NBAS: variants seen among roughly 807,000 people sequenced by gnomAD.
NBAS encodes the protein NAG/BC035112 fusion.
NBAS carries 219 observed loss-of-function variants against 302.5 expected under a neutral mutation model. The ratio of observed to expected loss-of-function variants is 0.72; its 90% confidence interval spans 0.65 to 0.81. NBAS has a LOEUF of 0.81. Among genes scored for constraint, NBAS ranks in the 30% least tolerant of loss-of-function variants. The pLI is 0.00. For synonymous variants in NBAS, 1,118 were observed against 1,021.6 expected (o/e 1.09, Z -1.80); for missense variants, 2,932 against 2,841.6 (o/e 1.03, Z -0.72).
At chr2:15,440,039 G>A (rs933569951) in intron 21 of NBAS, among the ~76,000 whole-genome samples, 4 of 152,250 alleles carry the variant, frequency 2.6e-5, no homozygotes, top group Non-Finnish European at 5.9e-5. Flanking sequence ...ACAGCTCAAG[G>A]AGGCCTGCCT....
the NBAS span, among the ~76,000 whole-genome samples, chr2:14,817,884 C>A: frequency 6.6e-6 from 1 of 152,138 alleles, no homozygotes; most frequent in Non-Finnish European, 1.5e-5. Flanking sequence ...TGACTAGGAG[C>A]AAATTACTGA....
chr2:15,288,995 T>C lies in NBAS; in HGVS notation c.5028-1812A>G, dbSNP rs565217609. On this transcript the variant is annotated intron_variant, in intron 41 of 51. Transcript: ENST00000281513. ...AAATGCTAAAACCATTCTTTGTTCA[T>C]GGGCTATAAAAGAGACCAAGGCTGG... Among the ~76,000 whole-genome samples the C allele has an allele frequency of 1.1e-4, 17 of 152,390 alleles. No individual in the cohort carries two copies. In the South Asian group the frequency reaches 2.5e-3, roughly 22 times the overall value.
chr2:15,240,794 TA>T (rs958676245), intron 44 of NBAS, among the ~76,000 whole-genome samples: 4 of 152,158 alleles, frequency 2.6e-5, no homozygotes, highest in East Asian at 1.9e-4. Flanking sequence ...TCTAAGCCAT[TA>T]AAAAAATCAG....
the NBAS span, among the ~76,000 whole-genome samples, chr2:15,007,521 T>C: frequency 2.0e-5 from 3 of 152,202 alleles, no homozygotes; most frequent in East Asian, 5.8e-4. Flanking sequence ...TGTGGAGCTT[T>C]TTTGTTTTTT....
intron 9 of NBAS, among the ~76,000 whole-genome samples, chr2:15,524,413 T>A (rs967706168): frequency 1.3e-5 from 2 of 152,210 alleles, no homozygotes; most frequent in African/African-American, 2.4e-5. Context: ...CTGCACTTAT[T>A]ACATGTCCCG....
the NBAS span, among the ~76,000 whole-genome samples, chr2:15,040,050 A>G: frequency 6.6e-6 from 1 of 152,202 alleles, no homozygotes; most frequent in Non-Finnish European, 1.5e-5. Flanking sequence ...GCACTCTGCG[A>G]GGATGGAATC....
chr2:14,898,642 C>T, the NBAS span, among the ~76,000 whole-genome samples: 35,902 of 152,106 alleles, frequency 0.24, 4,408 homozygotes, highest in Non-Finnish European at 0.27. Flanking sequence ...GAATAAGTCT[C>T]ACAAGATCTG....
chr2:15,517,496 G>C (rs753142708), intron 9 of NBAS, among the ~76,000 whole-genome samples: 1 of 152,048 alleles, frequency 6.6e-6, no homozygotes, highest in Non-Finnish European at 1.5e-5. Flanking sequence ...AATTTTGTTT[G>C]TATTATTGTC....
At chr2:15,458,765 A>G (rs567800740) in intron 21 of NBAS, among the ~76,000 whole-genome samples, 12 of 152,172 alleles carry the variant, frequency 7.9e-5, no homozygotes, top group Non-Finnish European at 1.3e-4. Flanking sequence ...ATTGTAACCT[A>G]TTGTTCATTC....
chr2:14,895,411 A>G, the NBAS span, among the ~76,000 whole-genome samples: 2 of 152,216 alleles, frequency 1.3e-5, no homozygotes, highest in African/African-American at 4.8e-5. Flanking sequence ...AATGCAACGA[A>G]AACAAAAATA....
chr2:15,367,351 G>A (rs1674261552), intron 31 of NBAS, among the ~76,000 whole-genome samples: 1 of 152,052 alleles, frequency 6.6e-6, no homozygotes. Flanking sequence ...CAGCAGAGAT[G>A]GCAACCTTTA....
At chr2:14,831,477 A>T in the NBAS span, among the ~76,000 whole-genome samples, 1 of 152,238 alleles carries the variant, frequency 6.6e-6, no homozygotes, top group Non-Finnish European at 1.5e-5. Flanking sequence ...GAAAATTTCT[A>T]TTCCTGACAC....
At chr2:14,838,117 G>C in the NBAS span, among the ~76,000 whole-genome samples, 1 of 151,768 alleles carries the variant, frequency 6.6e-6, no homozygotes, top group Admixed American at 6.6e-5. Context: ...TCTGTCACCT[G>C]ATAACGCTCA....
the NBAS span, among the ~76,000 whole-genome samples, chr2:15,003,435 C>A: frequency 3.3e-5 from 5 of 152,162 alleles, no homozygotes; most frequent in African/African-American, 4.8e-5. Context: ...AACAAACCAA[C>A]CCACTCATAA....
At chr2:15,331,161 T>G (rs542274722) in intron 35 of NBAS, among the ~76,000 whole-genome samples, 1 of 152,216 alleles carries the variant, frequency 6.6e-6, no homozygotes, top group Non-Finnish European at 1.5e-5. Flanking sequence ...AAATTATTCA[T>G]CTGAATAATG....
chr2:15,318,546 AG>A (rs1368569136), intron 38 of NBAS, among the ~76,000 whole-genome samples: 2 of 152,204 alleles, frequency 1.3e-5, no homozygotes, highest in African/African-American at 2.4e-5. Flanking sequence ...AAAGGGATGA[AG>A]GAAGATCTAC....
chr2:15,554,821 AG>A, intron 3 of NBAS, among the ~76,000 whole-genome samples: 1 of 152,038 alleles, frequency 6.6e-6, no homozygotes, highest in East Asian at 1.9e-4. Flanking sequence ...CCTATGAAAA[AG>A]TAAAAGTCCA....
At chr2:15,444,798 A>G (rs371963926) in intron 21 of NBAS, among the ~76,000 whole-genome samples, 5 of 152,298 alleles carry the variant, frequency 3.3e-5, no homozygotes, top group South Asian at 4.1e-4. Flanking sequence ...GAACTCAAAC[A>G]AATTTACAAG....
chr2:14,796,814 T>G, the NBAS span, among the ~76,000 whole-genome samples: 1 of 150,476 alleles, frequency 6.6e-6, no homozygotes, highest in Non-Finnish European at 1.5e-5. Flanking sequence ...TTTCCATGGC[T>G]ACCTACAGCC....
Sources: gnomAD v4.1 joint callset for allele counts (sites outside exome capture counted in the v4.1 genomes callset) on GRCh38, gnomAD v4.1.1 for gene constraint, MANE v1.5 for transcripts, NCBI Gene and HGNC (gene_info 2026-07-23, HGNC 2026-07-21) for gene names.